The following COL4A5 variants were observed in gnomAD, a reference collection of about 807,000 sequenced individuals.
COL4A5 encodes collagen alpha-5(IV) chain.
A neutral mutation model predicts 130.2 loss-of-function variants in COL4A5; 26 were observed. That is an observed-to-expected ratio of 0.20 (90% CI 0.15 to 0.28). The LOEUF (loss-of-function observed/expected upper bound fraction) is 0.28. Ranked by LOEUF, COL4A5 falls within the 10% of genes least tolerant of loss-of-function variation. COL4A5 has a pLI of 1.00. For synonymous variants in COL4A5, 496 were observed against 439.6 expected (o/e 1.13, Z -1.60); for missense variants, 1,131 against 1,344.3 (o/e 0.84, Z 2.48).
chrX:108,641,053 G>T (rs2067455634), intron 36 of COL4A5, among the ~76,000 whole-genome samples: 1 of 111,555 alleles, frequency 9.0e-6, no homozygotes, highest in South Asian at 3.8e-4. Context: ...ACTTGAGTAG[G>T]CATAATAAAG....
intron 36 of COL4A5, among the ~76,000 whole-genome samples, chrX:108,630,416 G>T (rs1366437374): frequency 1.8e-5 from 2 of 112,330 alleles, no homozygotes; most frequent in Non-Finnish European, 3.8e-5. Context: ...CAGTGATGAT[G>T]AGCATTTTTT....
intron 1 of COL4A5, among the ~76,000 whole-genome samples, chrX:108,512,522 A>AT (rs200458151): frequency 6.1e-4 from 67 of 110,410 alleles, no homozygotes; most frequent in African/African-American, 1.9e-3. Context: ...ATGAAGATTT[A>AT]TTTTTTTTTA....
At chrX:108,588,501 G>T (rs1417614860) in intron 19 of COL4A5, among the ~76,000 whole-genome samples, 1 of 110,428 alleles carries the variant, frequency 9.1e-6, no homozygotes, top group Non-Finnish European at 1.9e-5. Flanking sequence ...AAGTATGAAT[G>T]AAAAGTTAAG....
intron 44 of COL4A5, 113 bp from the exon 45 acceptor site, chrX:108,680,566 G>C: frequency 6.4e-6 from 4 of 620,885 alleles, no homozygotes; most frequent in Non-Finnish European, 1.1e-5. Flanking sequence ...TACAGTCTTG[G>C]AAGTTTGACT....
intron 2 of COL4A5, among the ~76,000 whole-genome samples, chrX:108,544,988 A>T (rs1457877641): frequency 8.2e-5 from 9 of 110,260 alleles, no homozygotes; most frequent in Non-Finnish European, 1.7e-4. Flanking sequence ...CATCTATTTG[A>T]TTCTTCTCTC....
chrX:108,565,308 A>G (rs1464500787), intron 4 of COL4A5, among the ~76,000 whole-genome samples: 2 of 111,905 alleles, frequency 1.8e-5, no homozygotes, highest in East Asian at 2.8e-4. Flanking sequence ...ATACAAATGT[A>G]CAGAGCATAT....
intron 2 of COL4A5, among the ~76,000 whole-genome samples, chrX:108,557,623 AAACTT>A (rs1440042955): frequency 1.8e-5 from 2 of 108,873 alleles, no homozygotes; most frequent in African/African-American, 7.1e-5. Context: ...TTTTTAGACT[AAACTT>A]AGTACTTACA....
intron 19 of COL4A5, among the ~76,000 whole-genome samples, chrX:108,589,756 A>T (rs1190696698): frequency 8.9e-6 from 1 of 111,747 alleles, no homozygotes; most frequent in Non-Finnish European, 1.9e-5. Flanking sequence ...TCAAAAGTAA[A>T]TGTAACCAAA....
intron 37 of COL4A5, among the ~76,000 whole-genome samples, chrX:108,662,310 TC>T (rs1456406053): frequency 8.1e-5 from 9 of 110,764 alleles, no homozygotes; most frequent in African/African-American, 3.0e-4. Flanking sequence ...CACCGCATGT[TC>T]TCATTTAGTG....
intron 3 of COL4A5, among the ~76,000 whole-genome samples, chrX:108,559,659 C>T (rs1315525833): frequency 2.7e-5 from 3 of 111,739 alleles, no homozygotes; most frequent in African/African-American, 9.8e-5. Flanking sequence ...GAGCTCAGAA[C>T]GAAAAGCTCC....
chrX:108,609,502 T>C (rs1487942235), intron 29 of COL4A5, among the ~76,000 whole-genome samples: 1 of 111,928 alleles, frequency 8.9e-6, no homozygotes. Flanking sequence ...TTCCTAGATA[T>C]ATGTTTATTA....
chrX:108,521,351 T>C (rs1370392997), intron 1 of COL4A5, among the ~76,000 whole-genome samples: 4 of 111,055 alleles, frequency 3.6e-5, no homozygotes, highest in Non-Finnish European at 7.6e-5. Context: ...CTGAACTCTC[T>C]TTTCAAGGAT....
chrX:108,487,350 G>A (rs374881836), intron 1 of COL4A5, among the ~76,000 whole-genome samples: 58 of 101,918 alleles, frequency 5.7e-4, no homozygotes, highest in African/African-American at 1.9e-3. Context: ...AGATTGTGCC[G>A]TTCCACTTCA....
At chrX:108,545,392 G>A (rs895317238) in intron 2 of COL4A5, among the ~76,000 whole-genome samples, 30 of 111,497 alleles carry the variant, frequency 2.7e-4, no homozygotes, top group Non-Finnish European at 3.8e-4. Flanking sequence ...GGAGCCGGTC[G>A]TTCAGTTTCA....
At chrX:108,573,124 T>A (rs2066092010) in intron 8 of COL4A5, among the ~76,000 whole-genome samples, 1 of 110,773 alleles carries the variant, frequency 9.0e-6, no homozygotes, top group African/African-American at 3.3e-5. Flanking sequence ...TCCACTAGTT[T>A]TTTTTTTTCA....
intron 1 of COL4A5, among the ~76,000 whole-genome samples, chrX:108,503,296 T>C (rs2065097686): frequency 9.0e-6 from 1 of 111,536 alleles, no homozygotes; most frequent in South Asian, 3.8e-4. Flanking sequence ...TCTTGGCCAA[T>C]ATCATACTGA....
In COL4A5 at chrX:108,673,380, C is replaced by A. The variant is rs1016841518; in HGVS notation, c.3800-1365C>A. Among the ~76,000 whole-genome samples, 3 of 111,935 alleles carry A rather than the reference C, an allele frequency of 2.7e-5. No individual in the cohort carries two copies. In the East Asian group the frequency reaches 8.4e-4, roughly 31 times the overall value. On this transcript the variant is annotated intron_variant, in intron 42 of 52. Transcript: ENST00000328300. ...TAGCACAATTTATTCTCTCTGCTAACATTTGGTGCTTATAAATCATAGCAA... is the reference window on the plus strand; with the variant it reads ...TAGCACAATTTATTCTCTCTGCTAAAATTTGGTGCTTATAAATCATAGCAA...
intron 49 of COL4A5, among the ~76,000 whole-genome samples, chrX:108,691,707 T>C (rs1024477059): frequency 1.8e-5 from 2 of 111,577 alleles, no homozygotes; most frequent in Non-Finnish European, 3.8e-5. Flanking sequence ...GTGAGAAAAG[T>C]GGAATGGAAA....
intron 2 of COL4A5, among the ~76,000 whole-genome samples, chrX:108,554,156 T>A (rs1366796686): frequency 9.0e-6 from 1 of 111,385 alleles, no homozygotes; most frequent in Non-Finnish European, 1.9e-5. Context: ...TTATTTTGAT[T>A]GTGGTGATGA....
Sources: allele counts gnomAD v4.1 joint callset (sites outside exome capture counted in the v4.1 genomes callset), GRCh38; gene constraint gnomAD v4.1.1; transcripts MANE v1.5; gene names NCBI Gene and HGNC (gene_info 2026-07-23, HGNC 2026-07-21).